The following PTK7 variants were observed in gnomAD, a reference collection of about 807,000 sequenced individuals.
PTK7 encodes the protein inactive tyrosine-protein kinase 7.
In PTK7, 39 loss-of-function variants were observed where a neutral mutation model predicts 116.6. The observed-to-expected ratio is 0.33, with a 90% CI of 0.26 to 0.44. PTK7 has a LOEUF of 0.44. Among genes scored for constraint, PTK7 ranks in the 20% least tolerant of loss-of-function variants. The probability of loss-of-function intolerance (pLI) is 1.00; values close to 1 mark genes in which losing one functional copy is unlikely to be tolerated. For missense variants in PTK7, 1,169 were observed against 1,425.6 expected (o/e 0.82, Z 2.90); for synonymous variants, 546 against 563.6 (o/e 0.97, Z 0.44).
intron 1 of PTK7, among the ~76,000 whole-genome samples, chr6:43,103,238 C>T (rs895862591): frequency 9.9e-5 from 15 of 152,238 alleles, no homozygotes; most frequent in Non-Finnish European, 2.1e-4. Flanking sequence ...AAATACCCTT[C>T]TCCCTTCTGA....
In PTK7 at chr6:43,092,523, T is replaced by C. The variant is rs76835622; in HGVS notation, c.79+15956T>C. 7.6e-4 allele frequency among the ~76,000 whole-genome samples: 116 copies of C among 152,076 alleles called. 3 individuals are homozygous for C. The East Asian group carries it at 0.021, about 27-fold the overall frequency. The stretch of plus-strand genomic sequence containing the variant: ...AGGCATAAAACATAACATTTGGGGG[T>C]TGTTACTACCTGAGGTTTTAGGCAT... On this transcript the variant is annotated intron_variant, in intron 1 of 19. Transcript: ENST00000230419.
Position 43,132,070 on chromosome 6 carries a change from C to T in PTK7, c.867C>T (p.Thr289=), listed in dbSNP as rs749415736. 1.2e-6 allele frequency: 2 copies of T among 1,614,120 alleles called. No individual in the cohort carries two copies. Among genetic ancestry groups the T allele is most frequent in the South Asian group, 1.1e-5 (1 of 91,086 alleles). Residue 289 remains threonine, a synonymous_variant, in exon 6 of 20, where the codon ACC becomes ACT. Coordinates refer to ENST00000230419, the MANE Select transcript of PTK7 (RefSeq NM_002821.5). ...TTGCCAACGGGTCTCTGCTGCTGACCCAGGTCCGGCCACGCAATGCAGGGA... is the reference window on the plus strand; with the variant it reads ...TTGCCAACGGGTCTCTGCTGCTGACTCAGGTCCGGCCACGCAATGCAGGGA... ...TVFANGSLLL[T]QVRPRNAGIY... is the part of the protein sequence containing the mutation.
intron 7 of PTK7, among the ~76,000 whole-genome samples, chr6:43,137,547 A>G (rs1413944397): frequency 6.6e-6 from 1 of 152,208 alleles, no homozygotes; most frequent in Non-Finnish European, 1.5e-5. Context: ...TCCAGTTGGA[A>G]ATGCCAGTAG....
Position 43,112,242 on chromosome 6 carries a change from T to TTTTATTTA in PTK7, c.80-16698_80-16691dup, listed in dbSNP as rs36184350. 3.7e-3 allele frequency among the ~76,000 whole-genome samples: 549 copies of TTTTATTTA among 146,554 alleles called. 3 individuals are homozygous for TTTTATTTA. Among genetic ancestry groups the TTTTATTTA allele is most frequent in the South Asian group, 7.9e-3 (36 of 4,530 alleles). On this transcript the variant is annotated intron_variant, in intron 1 of 19. Coordinates refer to ENST00000230419, the MANE Select transcript of PTK7 (RefSeq NM_002821.5). Reference sequence around the variant, plus strand: ...GAGAGCAGGTGTTGCTGCTAGCCAGTTTTATTTATTTATTTATTTATTTAT... The same window carrying TTTTATTTA: ...GAGAGCAGGTGTTGCTGCTAGCCAGTTTTATTTATTTATTTATTTATTTATTTATTTAT...
At position 43,113,965 on chromosome 6, in the gene PTK7, C is replaced by G. The variant is rs545369041; in HGVS notation, c.80-15012C>G. ...CTTCCACCAACAGACAAGCTGTAAC[C>G]TTCAGAATCTAGTGTTACCCTGAGC... is the stretch of plus-strand genomic sequence containing the variant. On this transcript the variant is annotated intron_variant, in intron 1 of 19. Transcript: ENST00000230419. Among the ~76,000 whole-genome samples the G allele has an allele frequency of 3.3e-5, 5 of 152,192 alleles. No individual in the cohort carries two copies. In the East Asian group the frequency reaches 9.7e-4, roughly 30 times the overall value.
chr6:43,120,121 A>G (rs1314731862), intron 1 of PTK7, among the ~76,000 whole-genome samples: 2 of 152,214 alleles, frequency 1.3e-5, no homozygotes, highest in Admixed American at 6.5e-5. Flanking sequence ...CCATCTTCCA[A>G]GTGAGAAAAC....
intron 1 of PTK7, among the ~76,000 whole-genome samples, chr6:43,097,124 C>T (rs1275856615): frequency 6.6e-6 from 1 of 152,232 alleles, no homozygotes; most frequent in Non-Finnish European, 1.5e-5. Context: ...ATTATTTAGC[C>T]TCCTCCTGCG....
chr6:43,132,959 C>G (rs1267188616), intron 7 of PTK7: 2 of 579,106 alleles, frequency 3.5e-6, no homozygotes, highest in South Asian at 4.5e-5. Flanking sequence ...AATCTAGAGA[C>G]CTGGGTCCCA....
At chr6:43,080,448 T>G (rs1766314767) in intron 1 of PTK7, among the ~76,000 whole-genome samples, 1 of 152,238 alleles carries the variant, frequency 6.6e-6, no homozygotes, top group Non-Finnish European at 1.5e-5. Context: ...TATTCTTTTT[T>G]ATTGTTGTAT....
chr6:43,124,299 A>G (rs1031683041), intron 1 of PTK7, among the ~76,000 whole-genome samples: 1 of 152,180 alleles, frequency 6.6e-6, no homozygotes, highest in Non-Finnish European at 1.5e-5. Context: ...AAAGCTTCTG[A>G]CAAAGCAAAA....
rs1418078719 is a variant in PTK7 at position 43,129,846 on chromosome 6, G to A, written c.470+17G>A. The A allele has an allele frequency of 1.9e-6, 3 of 1,610,198 alleles. No homozygotes were observed. The highest frequency in any genetic ancestry group is 2.5e-6 in the Non-Finnish European group (3 of 1,176,606). On this transcript the variant is annotated intron_variant, in intron 3 of 19. Transcript: ENST00000230419. This position sits in a 1 kb window ranked among gnomAD's most constrained non-coding sequence, Gnocchi z 4.5. The stretch of plus-strand genomic sequence containing the variant: ...GCACCCTCGGTAAGGAGTCAGGGAG[G>A]TGGGGATGAAGAGGGTTATTCCGGA...
At chr6:43,127,958 G>T (rs1485136885) in intron 1 of PTK7, among the ~76,000 whole-genome samples, 1 of 152,176 alleles carries the variant, frequency 6.6e-6, no homozygotes, top group Non-Finnish European at 1.5e-5. Flanking sequence ...ACATGGGAAT[G>T]ACCTTGGCTT....
At position 43,148,832 on chromosome 6, in the gene PTK7, G is replaced by A. The variant is rs969402252; in HGVS notation, c.2721+2134G>A. On this transcript the variant is annotated intron_variant, in intron 17 of 19. Transcript: ENST00000230419. ...TCCCAGCACTTTGGGAGGCCGAGGCGGGCAGATCACGAGGTCAGGAGTACG... is the reference window on the plus strand; with the variant it reads ...TCCCAGCACTTTGGGAGGCCGAGGCAGGCAGATCACGAGGTCAGGAGTACG... 1.0e-3 allele frequency among the ~76,000 whole-genome samples: 153 copies of A among 151,870 alleles called. 2 individuals carry two copies. The highest frequency in any genetic ancestry group is 3.7e-4 in the Non-Finnish European group (25 of 67,952).
At chr6:43,128,167 G>C (rs1769413812) in intron 1 of PTK7, among the ~76,000 whole-genome samples, 1 of 152,186 alleles carries the variant, frequency 6.6e-6, no homozygotes, top group Non-Finnish European at 1.5e-5. Flanking sequence ...TGCTGTTTGG[G>C]TCATGATTTA....
At chr6:43,089,424 A>G (rs1344177046) in intron 1 of PTK7, among the ~76,000 whole-genome samples, 1 of 152,206 alleles carries the variant, frequency 6.6e-6, no homozygotes, top group Non-Finnish European at 1.5e-5. Flanking sequence ...AGATCCTTAG[A>G]GAGTGCTAGG....
intron 17 of PTK7, among the ~76,000 whole-genome samples, chr6:43,156,824 G>A (rs1001822472): frequency 8.6e-5 from 13 of 151,972 alleles, no homozygotes; most frequent in African/African-American, 2.7e-4. Context: ...TGAACCCAGC[G>A]GGGTGGAGTT....
chr6:43,110,821 G>A (rs936485268), intron 1 of PTK7, among the ~76,000 whole-genome samples: 3 of 152,150 alleles, frequency 2.0e-5, no homozygotes, highest in African/African-American at 4.8e-5. Flanking sequence ...TGCTGCTGAC[G>A]GTCATTTCTA....
At chr6:43,119,444 C>T (rs753743916) in intron 1 of PTK7, among the ~76,000 whole-genome samples, 13 of 152,160 alleles carry the variant, frequency 8.5e-5, no homozygotes, top group Non-Finnish European at 1.5e-4. Flanking sequence ...GAAGCTGGCT[C>T]CCAGGCTCCA....
chr6:43,093,044 T>G (rs543486181), intron 1 of PTK7, among the ~76,000 whole-genome samples: 8 of 152,246 alleles, frequency 5.3e-5, no homozygotes. Context: ...CATGTGTGCA[T>G]GCTGATGGCA....
Sources: gnomAD v4.1 joint callset for allele counts (sites outside exome capture counted in the v4.1 genomes callset) on GRCh38, gnomAD v4.1.1 for gene constraint, Gnocchi (gnomAD v3.1) non-coding constraint, MANE v1.5 for transcripts, NCBI Gene and HGNC (gene_info 2026-07-23, HGNC 2026-07-21) for gene names.